ATP6V1A: variants seen among roughly 807,000 people sequenced by gnomAD.
ATP6V1A encodes ATPase H+ transporting V1 subunit A, also known as V-type proton ATPase catalytic subunit A.
Under a neutral mutation model 70.1 loss-of-function variants are expected in ATP6V1A, and 18 were observed. That is an observed-to-expected ratio of 0.26 (90% CI 0.18 to 0.38). The LOEUF (loss-of-function observed/expected upper bound fraction) is 0.38. Ranked by LOEUF, ATP6V1A falls within the 10% of genes least tolerant of loss-of-function variation. The pLI is 1.00. For missense variants in ATP6V1A, 424 were observed against 772.4 expected, an observed-to-expected ratio of 0.55 and a Z score of 5.35; for synonymous variants, 232 against 253.8, an observed-to-expected ratio of 0.91 and a Z score of 0.82.
At chr3:113,786,034 A>G (rs1393742704) in intron 5 of ATP6V1A, among the ~76,000 whole-genome samples, 198 bp from the exon 6 acceptor site, 3 of 150,136 alleles carry the variant, frequency 2.0e-5, no homozygotes, top group East Asian at 3.9e-4. Flanking sequence ...GTAATTATTA[A>G]AAAAGTAATA....
intron 2 of ATP6V1A, among the ~76,000 whole-genome samples, chr3:113,779,647 C>T (rs1708957281): frequency 6.6e-6 from 1 of 152,092 alleles, no homozygotes; most frequent in African/African-American, 2.4e-5. Context: ...AGCTTGATTT[C>T]ATTGGCAGGT....
chr3:113,778,688 C>T, intron 1 of ATP6V1A, 53 bp from the exon 2 acceptor site: 1 of 1,125,514 alleles, frequency 8.9e-7, no homozygotes, highest in African/African-American at 1.6e-5. Flanking sequence ...TATTTTGGGT[C>T]TTTTGCTTTA....
At chr3:113,762,118 C>G (rs986243261) in intron 1 of ATP6V1A, among the ~76,000 whole-genome samples, 1 of 130,458 alleles carries the variant, frequency 7.7e-6, no homozygotes, top group African/African-American at 2.8e-5. Flanking sequence ...CGCCATTGCA[C>G]TGCAGCCTGG....
intron 1 of ATP6V1A, among the ~76,000 whole-genome samples, chr3:113,753,691 G>A (rs7622515): frequency 0.36 from 53,156 of 146,942 alleles, 9,707 homozygotes; most frequent in African/African-American, 0.41. Context: ...TCTATCATGT[G>A]TCTTTTTTTT....
intron 1 of ATP6V1A, among the ~76,000 whole-genome samples, chr3:113,775,592 A>G (rs1708902249): frequency 6.6e-6 from 1 of 152,200 alleles, no homozygotes; most frequent in Non-Finnish European, 1.5e-5. Flanking sequence ...TGGTAGCATT[A>G]TTACTGTTTT....
At chr3:113,760,501 G>T (rs967259199) in intron 1 of ATP6V1A, among the ~76,000 whole-genome samples, 3 of 152,080 alleles carry the variant, frequency 2.0e-5, no homozygotes, top group African/African-American at 4.8e-5. Flanking sequence ...GGCCGAGGTG[G>T]GCGGATCACA....
Position 113,778,728 on chromosome 3 carries a change from T to G in ATP6V1A, c.-13-13T>G, listed in dbSNP as rs1433254225. On this transcript the variant is annotated splice_polypyrimidine_tract_variant and intron_variant, in intron 1 of 14. Coordinates refer to ENST00000273398, the MANE Select transcript of ATP6V1A (RefSeq NM_001690.4). ...TTATAATTATAACTTATTTATTTAT[T>G]TATTTACTATAGGTAAACTAACATT... 3.5e-6 allele frequency: 5 copies of G among 1,445,046 alleles called. No homozygotes were observed. Among genetic ancestry groups the G allele is most frequent in the Non-Finnish European group, 4.7e-6 (5 of 1,069,192 alleles). 89.5% of individuals were successfully genotyped at this position (1,445,046 alleles called of 1,614,324 possible).
intron 4 of ATP6V1A, 55 bp downstream of exon 4, chr3:113,784,493 GT>G (rs1709016228): frequency 1.3e-6 from 2 of 1,513,852 alleles, no homozygotes; most frequent in African/African-American, 1.4e-5. Context: ...TAAAATGAAT[GT>G]TTAGTAAACT....
chr3:113,806,615 C>A (rs548860355), intron 14 of ATP6V1A, among the ~76,000 whole-genome samples: 2 of 152,116 alleles, frequency 1.3e-5, no homozygotes, highest in African/African-American at 4.8e-5. Context: ...CCTGCCACCA[C>A]GCCCAGCTAA....
chr3:113,766,814 G>A (rs954753574), intron 1 of ATP6V1A, among the ~76,000 whole-genome samples: 15 of 152,070 alleles, frequency 9.9e-5, no homozygotes, highest in African/African-American at 3.6e-4. Flanking sequence ...CATTGCTTTC[G>A]ATGGCAAAAC....
chr3:113,786,888 C>G (rs986048202), intron 6 of ATP6V1A, among the ~76,000 whole-genome samples: 5 of 152,004 alleles, frequency 3.3e-5, no homozygotes, highest in African/African-American at 1.2e-4. Flanking sequence ...CAATCCTCCT[C>G]CTGCCTCACC....
At chr3:113,750,353 G>A (rs1186487807) in intron 1 of ATP6V1A, among the ~76,000 whole-genome samples, 3 of 152,160 alleles carry the variant, frequency 2.0e-5, no homozygotes, top group Admixed American at 6.6e-5. Flanking sequence ...ATGGCGGCAC[G>A]CGCCTGTAGT....
intron 4 of ATP6V1A, 93 bp from the exon 5 acceptor site, chr3:113,784,603 G>A: frequency 1.3e-6 from 2 of 1,488,432 alleles, no homozygotes; most frequent in Non-Finnish European, 1.8e-6. Flanking sequence ...ATGTTTTATT[G>A]ATAAGTCAGG....
chr3:113,784,928 T>TTAATACATA, intron 5 of ATP6V1A, 95 bp downstream of exon 5: 2 of 1,327,142 alleles, frequency 1.5e-6, no homozygotes, highest in Non-Finnish European at 2.0e-6. Flanking sequence ...GAATTGATAT[T>TTAATACATA]TAATACATAA....
At chr3:113,775,495 G>A (rs929633021) in intron 1 of ATP6V1A, among the ~76,000 whole-genome samples, 9 of 152,260 alleles carry the variant, frequency 5.9e-5, no homozygotes, top group South Asian at 2.1e-4. Flanking sequence ...CCCCCCAAGT[G>A]CTGGAATTAT....
intron 1 of ATP6V1A, among the ~76,000 whole-genome samples, chr3:113,766,873 C>T (rs907795801): frequency 7.9e-5 from 12 of 152,050 alleles, no homozygotes; most frequent in Non-Finnish European, 1.2e-4. Flanking sequence ...AAACTACTGT[C>T]GAAGTAAGGT....
intron 8 of ATP6V1A, among the ~76,000 whole-genome samples, chr3:113,790,539 A>G (rs755789178): frequency 7.9e-5 from 12 of 152,206 alleles, no homozygotes; most frequent in Non-Finnish European, 1.5e-4. Flanking sequence ...AAGACAATTC[A>G]TGTGTTAATG....
intron 8 of ATP6V1A, among the ~76,000 whole-genome samples, chr3:113,791,915 C>G (rs1709096345): frequency 6.7e-6 from 1 of 148,662 alleles, no homozygotes; most frequent in East Asian, 2.0e-4. Flanking sequence ...GATGTGCCTT[C>G]AAGTTTGCAG....
chr3:113,800,537 G>A (rs903373867), intron 12 of ATP6V1A, among the ~76,000 whole-genome samples: 9 of 152,118 alleles, frequency 5.9e-5, no homozygotes, highest in African/African-American at 2.2e-4. Flanking sequence ...TTCAGTCTGT[G>A]ATAGAAAACT....
Sources: gnomAD v4.1 joint callset for allele counts (sites outside exome capture counted in the v4.1 genomes callset) on GRCh38, gnomAD v4.1.1 for gene constraint, MANE v1.5 for transcripts, NCBI Gene and HGNC (gene_info 2026-07-23, HGNC 2026-07-21) for gene names.